Variants in SCNN1A observed in about 807,000 individuals in gnomAD.
SCNN1A encodes sodium channel epithelial 1 subunit alpha.
Under a neutral mutation model 68.6 loss-of-function variants are expected in SCNN1A, and 65 were observed. That is an observed-to-expected ratio of 0.95 (90% CI 0.78 to 1.16). SCNN1A has a LOEUF of 1.16. SCNN1A is among the 50% of genes most tolerant of loss of function. The pLI is 0.00. For missense variants in SCNN1A, 880 were observed against 865.9 expected (o/e 1.02, Z -0.20); for synonymous variants, 357 against 353.3 (o/e 1.01, Z -0.12).
chr12:6,358,765 C>G (rs1422407207), intron 4 of SCNN1A, among the ~76,000 whole-genome samples: 1 of 149,218 alleles, frequency 6.7e-6, no homozygotes, highest in African/African-American at 2.5e-5. Flanking sequence ...GAGGCTGAAT[C>G]AGGAGGATCG....
In SCNN1A at chr12:6,374,940, G is replaced by T; in HGVS notation, c.-54-103C>A. 1.3e-6 allele frequency: 2 copies of T among 1,585,020 alleles called. No individual in the cohort carries two copies. The highest frequency in any genetic ancestry group is 1.7e-6 in the Non-Finnish European group (2 of 1,165,178). Reference sequence around the variant, plus strand: ...CCATCACCCCTGGAACCCGAGTGAGGCTGCCCCTGGCCATGCCCATGTCCC... The same window carrying T: ...CCATCACCCCTGGAACCCGAGTGAGTCTGCCCCTGGCCATGCCCATGTCCC... On this transcript the variant is annotated intron_variant, in intron 1 of 12. Transcript: ENST00000228916. The surrounding 1 kb of genome is among the most constrained non-coding windows in gnomAD (Gnocchi z 6.2).
At chr12:6,375,210 A>G in intron 1 of SCNN1A, 4 of 1,439,520 alleles carry the variant, frequency 2.8e-6, no homozygotes, top group Middle Eastern at 2.6e-4. Flanking sequence ...CTCCCTCTCT[A>G]TCTGCCTTCT....
At chr12:6,373,368 T>G (rs965167235) in intron 2 of SCNN1A, among the ~76,000 whole-genome samples, 3 of 152,284 alleles carry the variant, frequency 2.0e-5, no homozygotes, top group African/African-American at 7.2e-5. Flanking sequence ...TATCCCAGTG[T>G]GCCACAGTTA....
rs1263004903 is a variant in SCNN1A, at chr12:6,354,986, C to T, written c.1144-138G>A. 4 of 805,594 alleles carry T rather than the reference C, an allele frequency of 5.0e-6. No individual in the cohort carries two copies. The highest frequency in any genetic ancestry group is 8.5e-6 in the Non-Finnish European group (4 of 470,216). 49.9% of individuals were successfully genotyped at this position (805,594 alleles called of 1,614,324 possible). A position where few individuals can be genotyped will look rare whatever the true frequency, so the allele number is the denominator to read the frequency against. On this transcript the variant is annotated intron_variant, in intron 6 of 12. Transcript: ENST00000228916. ...TCGCCCTCTCAATACATGCTTCCAG[C>T]CACCCCCATGCCCACCCACTGCTCA...
intron 8 of SCNN1A, among the ~76,000 whole-genome samples, chr12:6,350,552 A>G (rs1179172189): frequency 6.6e-6 from 1 of 152,044 alleles, no homozygotes; most frequent in Non-Finnish European, 1.5e-5. Flanking sequence ...AAAAAAGACA[A>G]TAGGCTGGGT....
At chr12:6,355,733 G>C (rs1418516975) in intron 5 of SCNN1A, 44 bp downstream of exon 5, 2 of 1,337,982 alleles carry the variant, frequency 1.5e-6, no homozygotes, top group Non-Finnish European at 2.2e-6. Flanking sequence ...ACAGGTGAGT[G>C]GCTGAAGCAG....
rs1209010230 is a variant in SCNN1A at position 6,374,877 on chromosome 12, A to AG, written c.-54-41dup. On this transcript the variant is annotated intron_variant, in intron 1 of 12. Coordinates refer to ENST00000228916, the MANE Select transcript of SCNN1A (RefSeq NM_001038.6). This position sits in a 1 kb window ranked among gnomAD's most constrained non-coding sequence, Gnocchi z 6.2. ...GAGTGGATTGGGGAGAGCAAGGGTCAGGGTCAAGGCTGAGCTCTGGGCCCT... is the reference window on the plus strand; with the variant it reads ...GAGTGGATTGGGGAGAGCAAGGGTCAGGGGTCAAGGCTGAGCTCTGGGCCCT... 2 of 1,613,970 alleles carry AG rather than the reference A, an allele frequency of 1.2e-6. No individual in the cohort carries two copies. Among genetic ancestry groups the AG allele is most frequent in the East Asian group, 2.2e-5 (1 of 44,868 alleles).
chr12:6,361,903 G>A (rs1948585468), intron 4 of SCNN1A, 148 bp downstream of exon 4: 14 of 857,126 alleles, frequency 1.6e-5, no homozygotes, highest in Middle Eastern at 3.4e-4. Flanking sequence ...CAGGGTGTGG[G>A]CCCAAAGCCA....
At position 6,362,044 on chromosome 12, in the gene SCNN1A, G is replaced by T; in HGVS notation, c.875+7C>A. ...GGAGAGCAAGGAGCCAGGCAGGACT[G>T]ACTCACGCCTGGTTGCAGGAGACCT... On this transcript the variant is annotated splice_region_variant and intron_variant, in intron 4 of 12. Transcript: ENST00000228916. 6.2e-7 allele frequency: 1 copy of T among 1,613,958 alleles called. No individual in the cohort carries two copies. The highest frequency in any genetic ancestry group is 8.5e-7 in the Non-Finnish European group (1 of 1,179,902).
In SCNN1A at chr12:6,374,480, A is replaced by T. The variant is rs1948859218; in HGVS notation, c.304T>A (p.Phe102Ile). 6.2e-7 allele frequency: 1 copy of T among 1,614,236 alleles called. No homozygotes were observed. The highest frequency in any genetic ancestry group is 8.5e-7 in the Non-Finnish European group (1 of 1,180,040). The change falls in exon 2 of 13, where the codon TTC (phenylalanine) becomes ATC (isoleucine). Residue 102 changes from phenylalanine to isoleucine, a missense_variant. Around this residue, in one of 3 missense-constraint regions of SCNN1A, gnomAD observed 45 missense variants for 76.7 expected, o/e 0.59. Coordinates refer to ENST00000228916, the MANE Select transcript of SCNN1A (RefSeq NM_001038.6). The surrounding 1 kb of genome is among the most constrained non-coding windows in gnomAD (Gnocchi z 6.2). ...LCTFGMMYWQ[F>I]GLLFGEYFSY... is the part of the protein sequence containing the mutation. ...AAGTACTCTCCGAAAAGCAGGCCGA[A>T]TTGCCAGTACATCATGCCAAAGGTG... is the stretch of plus-strand genomic sequence containing the variant.
Position 6,347,795 on chromosome 12 carries a change from A to G in SCNN1A, c.*78T>C. 4.7e-6 allele frequency: 6 copies of G among 1,287,284 alleles called. No homozygotes were observed. Among genetic ancestry groups the G allele is most frequent in the Non-Finnish European group, 6.6e-6 (6 of 903,460 alleles). The allele number at this position is 1,287,284 out of a possible 1,614,324, so 79.7% of individuals were successfully genotyped here. ...GCGGCTCTGAGAGGAAGCCCTGCAC[A>G]TCCTTCAATCTTGCCAGGGCCAGCA... On this transcript the variant is annotated 3_prime_UTR_variant, in exon 13 of 13. Transcript: ENST00000228916.
At chr12:6,368,113 G>T (rs1287209096) in intron 2 of SCNN1A, among the ~76,000 whole-genome samples, 1 of 152,212 alleles carries the variant, frequency 6.6e-6, no homozygotes, top group Non-Finnish European at 1.5e-5. Context: ...TGTGGTATTA[G>T]AATGTACATT....
At chr12:6,375,250 C>G (rs1464182089) in intron 1 of SCNN1A, 11 of 1,438,576 alleles carry the variant, frequency 7.6e-6, no homozygotes, top group Non-Finnish European at 1.0e-5. Context: ...CTGCTCTCCT[C>G]TTTCTGGCCT....
At position 6,374,304 on chromosome 12, in the gene SCNN1A, C is replaced by T; in HGVS notation, c.416+64G>A. On this transcript the variant is annotated intron_variant, in intron 2 of 12. Transcript: ENST00000228916. This position sits in a 1 kb window ranked among gnomAD's most constrained non-coding sequence, Gnocchi z 6.2. ...GAGGCTCTGCCTGCCCAGTGAGCAC[C>T]TCAGCACCCTGGACCACCCTTCCAG... is the stretch of plus-strand genomic sequence containing the variant. 2.5e-6 allele frequency: 4 copies of T among 1,570,582 alleles called. No homozygotes were observed. The highest frequency in any genetic ancestry group is 3.5e-6 in the Non-Finnish European group (4 of 1,150,702).
At position 6,372,716 on chromosome 12, in the gene SCNN1A, T is replaced by A. The variant is rs1371050391; in HGVS notation, c.416+1652A>T. Among the ~76,000 whole-genome samples the A allele has an allele frequency of 2.0e-5, 3 of 151,634 alleles. No homozygotes were observed. The highest frequency in any genetic ancestry group is 4.4e-5 in the Non-Finnish European group (3 of 68,002). ...TCCCCTTCCTGCTGGGTCCCTCCCC[T>A]CCACCAAGGCCTAAAGGGGTGAAGA... On this transcript the variant is annotated intron_variant, in intron 2 of 12. Transcript: ENST00000228916. The surrounding 1 kb of genome is among the most constrained non-coding windows in gnomAD (Gnocchi z 5.8).
Position 6,374,338 on chromosome 12 carries a change from AC to A in SCNN1A, c.416+29del. 1 of 1,611,030 alleles carries A rather than the reference AC, an allele frequency of 6.2e-7. No homozygotes were observed. Among genetic ancestry groups the A allele is most frequent in the South Asian group, 1.1e-5 (1 of 90,906 alleles). On this transcript the variant is annotated intron_variant, in intron 2 of 12. Coordinates refer to ENST00000228916, the MANE Select transcript of SCNN1A (RefSeq NM_001038.6). This position sits in a 1 kb window ranked among gnomAD's most constrained non-coding sequence, Gnocchi z 6.2. ...CTGGACCACCCTTCCAGGCGCAGGC[AC>A]CAGGGAAGGGGCAGAGGGACTAACC...
chr12:6,355,021 C>T (rs72657577), intron 6 of SCNN1A, among the ~76,000 whole-genome samples, 173 bp from the exon 7 acceptor site: 171 of 152,230 alleles, frequency 1.1e-3, no homozygotes, highest in African/African-American at 3.5e-3. Context: ...ATTTCAAGGC[C>T]ACTAGGCCCA....
chr12:6,351,181 G>A lies in SCNN1A; in HGVS notation c.1361-1776C>T, dbSNP rs1287555070. Among the ~76,000 whole-genome samples, 2 of 152,220 alleles carry A rather than the reference G, an allele frequency of 1.3e-5. No individual in the cohort carries two copies. The highest frequency in any genetic ancestry group is 4.8e-5 in the African/African-American group (2 of 41,452). On this transcript the variant is annotated intron_variant, in intron 8 of 12. Coordinates refer to ENST00000228916, the MANE Select transcript of SCNN1A (RefSeq NM_001038.6). The surrounding 1 kb of genome is among the most constrained non-coding windows in gnomAD (Gnocchi z 4.2). ...CTGATAAATGGGTAAACAAAGTGTGGTCTATCCATACAAGGGAGTGTTGTT... is the reference window on the plus strand; with the variant it reads ...CTGATAAATGGGTAAACAAAGTGTGATCTATCCATACAAGGGAGTGTTGTT...
chr12:6,362,358 A>C (rs774685966), intron 3 of SCNN1A, 117 bp from the exon 4 acceptor site: 8 of 897,770 alleles, frequency 8.9e-6, no homozygotes, highest in Non-Finnish European at 1.5e-5. Flanking sequence ...AGGAGTCGGA[A>C]GCCAGGAGTG....
Sources: gnomAD v4.1 joint callset for allele counts (sites outside exome capture counted in the v4.1 genomes callset) on GRCh38, gnomAD v4.1.1 for gene constraint, gnomAD v4.1.1 regional missense constraint, Gnocchi (gnomAD v3.1) non-coding constraint, MANE v1.5 for transcripts, NCBI Gene and HGNC (gene_info 2026-07-23, HGNC 2026-07-21) for gene names.